NELL2: variants seen among roughly 807,000 people sequenced by gnomAD.
The protein encoded by NELL2 is neural EGFL like 2, also known as protein kinase C-binding protein NELL2.
In NELL2, 41 loss-of-function variants were observed where a neutral mutation model predicts 109.6. The observed-to-expected ratio is 0.37, with a 90% CI of 0.29 to 0.49. The LOEUF is 0.49. Among genes scored for constraint, NELL2 ranks in the 20% least tolerant of loss-of-function variants. The pLI is 0.98. For synonymous variants in NELL2, 355 were observed against 344.7 expected, an observed-to-expected ratio of 1.03 and a Z score of -0.33; for missense variants, 900 against 1,008.3, an observed-to-expected ratio of 0.89 and a Z score of 1.45.
chr12:44,628,655 C>T (rs533615886), intron 13 of NELL2, among the ~76,000 whole-genome samples: 12 of 152,270 alleles, frequency 7.9e-5, no homozygotes, highest in African/African-American at 2.6e-4. Flanking sequence ...AAGTAGGTCC[C>T]AATGCTGGCC....
At chr12:44,835,408 G>T (rs976267908) in intron 2 of NELL2, among the ~76,000 whole-genome samples, 7 of 152,186 alleles carry the variant, frequency 4.6e-5, no homozygotes, top group Non-Finnish European at 8.8e-5. Flanking sequence ...AAACGGTGCA[G>T]CAGGCTGCGG....
chr12:44,728,164 GTCAAAGTGACCA>G (rs1939179440), intron 9 of NELL2, among the ~76,000 whole-genome samples: 1 of 152,000 alleles, frequency 6.6e-6, no homozygotes, highest in African/African-American at 2.4e-5. Flanking sequence ...CTGAAAATAA[GTCAAAGTGACCA>G]TCACAATGCT....
At chr12:44,843,772 AG>A (rs1944294090) in intron 2 of NELL2, among the ~76,000 whole-genome samples, 1 of 152,152 alleles carries the variant, frequency 6.6e-6, no homozygotes, top group Admixed American at 6.5e-5. Context: ...CTTTACTCCC[AG>A]CACTTTGGGA....
At chr12:44,812,206 T>C (rs1244409428) in intron 3 of NELL2, among the ~76,000 whole-genome samples, 4 of 152,168 alleles carry the variant, frequency 2.6e-5, no homozygotes, top group African/African-American at 7.2e-5. Flanking sequence ...CACTGGCACA[T>C]TGAGCAGGAA....
chr12:44,539,895 A>T (rs1407832239), intron 15 of NELL2, among the ~76,000 whole-genome samples: 1 of 152,234 alleles, frequency 6.6e-6, no homozygotes, highest in Non-Finnish European at 1.5e-5. Context: ...GCAAGTAAGT[A>T]AGTGGAACAC....
intron 13 of NELL2, among the ~76,000 whole-genome samples, chr12:44,642,963 C>T (rs539254275): frequency 5.3e-5 from 8 of 152,256 alleles, no homozygotes; most frequent in South Asian, 2.1e-4. Context: ...ATTAAAAGCA[C>T]GAAGATACAT....
chr12:44,509,477 G>A (rs1470232750), intron 19 of NELL2, among the ~76,000 whole-genome samples: 5 of 152,136 alleles, frequency 3.3e-5, no homozygotes, highest in Admixed American at 6.6e-5. Context: ...ATGGTATTAG[G>A]AGGTAAAGCC....
chr12:44,867,751 C>T (rs1592681059), intron 2 of NELL2, among the ~76,000 whole-genome samples: 1 of 152,212 alleles, frequency 6.6e-6, no homozygotes, highest in East Asian at 1.9e-4. Flanking sequence ...AAAAAATTGT[C>T]AGAACTAATA....
At chr12:44,728,218 C>G (rs1939182285) in intron 9 of NELL2, among the ~76,000 whole-genome samples, 1 of 151,950 alleles carries the variant, frequency 6.6e-6, no homozygotes, top group African/African-American at 2.4e-5. Context: ...GATACATGAA[C>G]AAAGTTGGAA....
intron 15 of NELL2, among the ~76,000 whole-genome samples, chr12:44,559,417 C>T (rs900406910): frequency 1.3e-5 from 2 of 152,164 alleles, no homozygotes; most frequent in African/African-American, 4.8e-5. Flanking sequence ...CATCGGTGTG[C>T]TGTATTCAGG....
At chr12:44,889,579 C>T (rs1945510599) in intron 1 of NELL2, among the ~76,000 whole-genome samples, 1 of 151,932 alleles carries the variant, frequency 6.6e-6, no homozygotes, top group Non-Finnish European at 1.5e-5. Flanking sequence ...TAGGGCTTTG[C>T]CTATCATTAG....
At chr12:44,792,382 C>T (rs777190911) in intron 3 of NELL2, among the ~76,000 whole-genome samples, 7 of 151,908 alleles carry the variant, frequency 4.6e-5, no homozygotes, top group Non-Finnish European at 7.4e-5. Context: ...AAATACTATA[C>T]GTGCTTGTAT....
intron 2 of NELL2, among the ~76,000 whole-genome samples, chr12:44,872,275 C>CT (rs1945185931): frequency 6.6e-6 from 1 of 151,912 alleles, no homozygotes; most frequent in South Asian, 2.1e-4. Flanking sequence ...GCCTGGATTC[C>CT]TTTTTTGAAA....
chr12:44,827,470 C>T (rs1009353421), intron 2 of NELL2, among the ~76,000 whole-genome samples: 2 of 148,854 alleles, frequency 1.3e-5, no homozygotes, highest in Admixed American at 6.7e-5. Context: ...CTGGCCCCCA[C>T]CCAACAATCC....
chr12:44,890,656 T>C (rs1030743549), intron 1 of NELL2, among the ~76,000 whole-genome samples: 1 of 152,048 alleles, frequency 6.6e-6, no homozygotes, highest in African/African-American at 2.4e-5. Context: ...CAGTTCAAAA[T>C]TTTCTCCCCC....
intron 16 of NELL2, among the ~76,000 whole-genome samples, chr12:44,530,774 C>T (rs569584949): frequency 6.6e-6 from 1 of 152,148 alleles, no homozygotes; most frequent in African/African-American, 2.4e-5. Context: ...CCCACTCCCC[C>T]CATTACCACT....
intron 12 of NELL2, among the ~76,000 whole-genome samples, chr12:44,675,602 A>G (rs747473324): frequency 4.6e-5 from 7 of 152,158 alleles, no homozygotes; most frequent in Non-Finnish European, 7.4e-5. Context: ...TCTGAGAGGA[A>G]CTTTAGAAAT....
At chr12:44,517,444 A>G (rs7979642) in intron 19 of NELL2, among the ~76,000 whole-genome samples, 21,684 of 147,218 alleles carry the variant, frequency 0.15, 3,680 homozygotes, top group African/African-American at 0.41. Context: ...GCCATGTGAA[A>G]TGCCTTCCCC....
At chr12:44,599,493 A>C (rs74078487) in intron 15 of NELL2, among the ~76,000 whole-genome samples, 7,293 of 152,248 alleles carry the variant, frequency 0.048, 613 homozygotes, top group African/African-American at 0.17. Flanking sequence ...AAAGCTGATG[A>C]ATTCATCTGT....
Sources: gnomAD v4.1 joint callset for allele counts (sites outside exome capture counted in the v4.1 genomes callset) on GRCh38, gnomAD v4.1.1 for gene constraint, MANE v1.5 for transcripts, NCBI Gene and HGNC (gene_info 2026-07-23, HGNC 2026-07-21) for gene names.